Variants in HIVEP2 observed in about 807,000 individuals in gnomAD.
HIVEP2 encodes HIVEP zinc finger 2, also known as transcription factor HIVEP2.
A neutral mutation model predicts 180.7 loss-of-function variants in HIVEP2; 14 were observed. The observed-to-expected ratio is 0.08, with a 90% confidence interval of 0.05 to 0.12. The LOEUF (loss-of-function observed/expected upper bound fraction) is 0.12, where lower values mean the gene tolerates loss of function less well. Among genes scored for constraint, HIVEP2 ranks in the 10% least tolerant of loss-of-function variants. The pLI, the probability that HIVEP2 is intolerant of heterozygous loss-of-function variation, is 1.00. For missense variants in HIVEP2, 2,579 were observed against 3,008.5 expected (o/e 0.86, Z 3.34); for synonymous variants, 1,184 against 1,136.4 (o/e 1.04, Z -0.84).
At chr6:142,901,088 C>T (rs957350796) in intron 1 of HIVEP2, among the ~76,000 whole-genome samples, 1 of 152,122 alleles carries the variant, frequency 6.6e-6, no homozygotes, top group Admixed American at 6.5e-5. Context: ...TTTTTTTACT[C>T]CTTATAAAAT....
chr6:142,791,278 G>A (rs754406861), intron 2 of HIVEP2, among the ~76,000 whole-genome samples: 30 of 152,122 alleles, frequency 2.0e-4, no homozygotes, highest in Admixed American at 5.2e-4. Flanking sequence ...GTTGTTCTCA[G>A]AGATTAGGAA....
intron 1 of HIVEP2, among the ~76,000 whole-genome samples, chr6:142,886,814 A>G (rs985281597): frequency 6.6e-6 from 1 of 152,118 alleles, no homozygotes; most frequent in Non-Finnish European, 1.5e-5. Context: ...TTAGGGCTTT[A>G]CTCTGGAGGG....
intron 1 of HIVEP2, among the ~76,000 whole-genome samples, chr6:142,850,540 CTT>C (rs1311249886): frequency 1.3e-5 from 2 of 152,224 alleles, no homozygotes; most frequent in Non-Finnish European, 2.9e-5. Flanking sequence ...ACTTAAATCT[CTT>C]ATTGTGAAAC....
chr6:142,937,124 A>C (rs1487916484), intron 1 of HIVEP2, among the ~76,000 whole-genome samples: 2 of 152,190 alleles, frequency 1.3e-5, no homozygotes, highest in Non-Finnish European at 2.9e-5. Flanking sequence ...AGAACCAGAG[A>C]ATTTAGTTCA....
At chr6:142,859,485 A>G (rs1775912492) in intron 1 of HIVEP2, among the ~76,000 whole-genome samples, 1 of 151,664 alleles carries the variant, frequency 6.6e-6, no homozygotes, top group Non-Finnish European at 1.5e-5. Context: ...AAAGAAAGAA[A>G]GAAAAGAATC....
chr6:142,826,561 T>TG (rs1774909055), intron 2 of HIVEP2, among the ~76,000 whole-genome samples: 1 of 152,162 alleles, frequency 6.6e-6, no homozygotes, highest in African/African-American at 2.4e-5. Flanking sequence ...TAATAAAACA[T>TG]TTTACCACTT....
At chr6:142,837,332 C>T (rs1775250132) in intron 1 of HIVEP2, among the ~76,000 whole-genome samples, 1 of 152,030 alleles carries the variant, frequency 6.6e-6, no homozygotes. Context: ...AATGGTTATA[C>T]AATGTCAGTT....
At chr6:142,848,650 G>A (rs778303211) in intron 1 of HIVEP2, among the ~76,000 whole-genome samples, 2 of 151,944 alleles carry the variant, frequency 1.3e-5, no homozygotes, top group Non-Finnish European at 2.9e-5. Flanking sequence ...TTGCATCTGG[G>A]AAGTTAAGAT....
intron 1 of HIVEP2, among the ~76,000 whole-genome samples, chr6:142,898,760 C>A (rs1777060940): frequency 6.6e-6 from 1 of 152,158 alleles, no homozygotes; most frequent in African/African-American, 2.4e-5. Flanking sequence ...TCATCACTAC[C>A]CACTTTGTCA....
Position 142,928,173 on chromosome 6 carries a change from T to TCC in HIVEP2, c.-641+16925_-641+16926insGG, listed in dbSNP as rs566118926. On this transcript the variant is annotated intron_variant, in intron 1 of 9. Coordinates refer to ENST00000367603, the MANE Select transcript of HIVEP2 (RefSeq NM_006734.4). ...TCGATAGTGGAGGAGGCTGTGTGTA[T>TCC]GTGGGGACAGGAAGTACATGGGAAA... Among the ~76,000 whole-genome samples the TCC allele has an allele frequency of 2.3e-3, 348 of 152,332 alleles. 2 individuals carry two copies. Among genetic ancestry groups the TCC allele is most frequent in the Admixed American group, 9.3e-3 (142 of 15,296 alleles).
At chr6:142,839,463 G>T (rs1201743409) in intron 1 of HIVEP2, among the ~76,000 whole-genome samples, 2 of 152,082 alleles carry the variant, frequency 1.3e-5, no homozygotes, top group Admixed American at 1.3e-4. Context: ...TTGTATTTCA[G>T]TTATATGTTA....
intron 1 of HIVEP2, among the ~76,000 whole-genome samples, chr6:142,839,128 C>G (rs1775298974): frequency 6.6e-6 from 1 of 152,110 alleles, no homozygotes; most frequent in African/African-American, 2.4e-5. Context: ...CCAGAAGAAG[C>G]AGATCTGTTG....
chr6:142,808,282 C>T (rs953572920), intron 2 of HIVEP2, among the ~76,000 whole-genome samples: 1 of 152,006 alleles, frequency 6.6e-6, no homozygotes, highest in African/African-American at 2.4e-5. Flanking sequence ...AAACTTGATA[C>T]ACAAGAAATG....
Position 142,773,408 on chromosome 6 carries a change from C to T in HIVEP2, c.1331G>A (p.Ser444Asn). The stretch of plus-strand genomic sequence containing the variant: ...CCTACCCATTGCGGCACGCTCCTGA[C>T]TTGTGGTTGTAACACTGAGTGCATT... ...PRNALSVTTT[S>N]QERAAMGRKG... The change falls in exon 5 of 10, where the codon AGT becomes AAT. Residue 444 changes from serine to asparagine, a missense_variant. Ser to Asn is a conservative substitution (Grantham distance 46). This residue lies in a region of HIVEP2 where 524 missense variants were observed against 563.6 expected (regional missense o/e 0.93). Transcript: ENST00000367603. 6.2e-7 allele frequency: 1 copy of T among 1,614,206 alleles called. No individual in the cohort carries two copies. The highest frequency in any genetic ancestry group is 8.5e-7 in the Non-Finnish European group (1 of 1,180,040).
intron 1 of HIVEP2, among the ~76,000 whole-genome samples, chr6:142,921,202 A>T (rs1007176619): frequency 2.0e-5 from 3 of 152,204 alleles, no homozygotes; most frequent in Non-Finnish European, 2.9e-5. Flanking sequence ...TTCATCTATA[A>T]AATAAGAAGA....
chr6:142,883,587 G>A (rs1036302216), intron 1 of HIVEP2, among the ~76,000 whole-genome samples: 3 of 152,128 alleles, frequency 2.0e-5, no homozygotes, highest in Non-Finnish European at 4.4e-5. Flanking sequence ...GAATTTTATA[G>A]CTTCTAATAA....
intron 2 of HIVEP2, among the ~76,000 whole-genome samples, chr6:142,805,932 T>C (rs1026533379): frequency 6.6e-6 from 1 of 152,184 alleles, no homozygotes; most frequent in Non-Finnish European, 1.5e-5. Context: ...ATCATCTCCG[T>C]CTGCCCTGCA....
intron 1 of HIVEP2, among the ~76,000 whole-genome samples, chr6:142,871,645 A>C (rs1229777720): frequency 1.3e-5 from 2 of 151,908 alleles, no homozygotes; most frequent in African/African-American, 4.8e-5. Flanking sequence ...AAAATACATA[A>C]GTAGAAAAGT....
At chr6:142,817,880 C>T (rs978558722) in intron 2 of HIVEP2, among the ~76,000 whole-genome samples, 2 of 152,028 alleles carry the variant, frequency 1.3e-5, no homozygotes, top group Non-Finnish European at 2.9e-5. Context: ...GTGGCACATG[C>T]CTGTAATCCC....
Sources: allele counts gnomAD v4.1 joint callset (sites outside exome capture counted in the v4.1 genomes callset), GRCh38; gene constraint gnomAD v4.1.1; regional missense constraint gnomAD v4.1.1; transcripts MANE v1.5; gene names NCBI Gene and HGNC (gene_info 2026-07-23, HGNC 2026-07-21).